The following ZNF256 variants were observed in gnomAD, a reference collection of about 807,000 sequenced individuals.
ZNF256 encodes the protein bone marrow zinc finger 3.
ZNF256 carries 4 observed loss-of-function variants against 7.9 expected under a neutral mutation model. The ratio of observed to expected loss-of-function variants is 0.50; its 90% CI spans 0.25 to 1.15. The LOEUF (loss-of-function observed/expected upper bound fraction) is 1.15. ZNF256 is among the 50% of genes most tolerant of loss of function. The pLI, the probability that ZNF256 is intolerant of heterozygous loss-of-function variation, is 0.15. For synonymous variants in ZNF256, 260 were observed against 260.4 expected, an observed-to-expected ratio of 1.00 and a Z score of 0.02; for missense variants, 666 against 755.9, an observed-to-expected ratio of 0.88 and a Z score of 1.39.
In ZNF256 at chr19:57,941,585, T is replaced by C; in HGVS notation, c.1223A>G (p.Glu408Gly). The C allele has an allele frequency of 6.2e-7, 1 of 1,614,110 alleles. No homozygotes were observed. The highest frequency in any genetic ancestry group is 1.1e-5 in the South Asian group (1 of 91,080). The change falls in exon 3 of 3, where the codon GAG (glutamate) becomes GGG (glycine). Residue 408 changes from glutamate to glycine, a missense_variant. Glu to Gly is a moderately conservative substitution (Grantham distance 98, BLOSUM62 -2). Transcript: ENST00000282308. ...AAACAATTTCCCACATTCACTACAC[T>C]CATAAGGCCCTTCTCCAATGTGAAG... ...RRLHIGEGPYECSECGKLFTY... is the reference protein window; with the variant it reads ...RRLHIGEGPYGCSECGKLFTY...
rs759846811 is a variant in ZNF256, at chr19:57,941,498, C to T, written c.1310G>A (p.Cys437Tyr). The T allele has an allele frequency of 1.9e-6, 3 of 1,613,936 alleles. No individual in the cohort carries two copies. Among genetic ancestry groups the T allele is most frequent in the Admixed American group, 1.7e-5 (1 of 59,986 alleles). Residue 437 changes from cysteine to tyrosine, a missense_variant, in exon 3 of 3, where the codon TGT (cysteine) becomes TAT (tyrosine). Transcript: ENST00000282308. ...RVHTGVRSHE[C>Y]HECGKLFSRK... Reference sequence around the variant, plus strand: ...GCTAAATAATTTTCCACATTCATGACATTCATGAGATCTTACTCCAGTATG... The same window carrying T: ...GCTAAATAATTTTCCACATTCATGATATTCATGAGATCTTACTCCAGTATG...
intron 1 of ZNF256, among the ~76,000 whole-genome samples, chr19:57,945,175 G>A (rs1600197798): frequency 1.3e-5 from 2 of 151,960 alleles, no homozygotes; most frequent in Non-Finnish European, 2.9e-5. Context: ...GATTACAGGC[G>A]TGAGCCACCA....
Position 57,947,599 on chromosome 19 carries a change from CTCAG to C in ZNF256, c.-129_-126del, listed in dbSNP as rs2072776783. 4 of 952,714 alleles carry C rather than the reference CTCAG, an allele frequency of 4.2e-6. No individual in the cohort carries two copies. Among genetic ancestry groups the C allele is most frequent in the Non-Finnish European group, 5.6e-6 (4 of 718,498 alleles). 59.0% of individuals were successfully genotyped at this position (952,714 alleles called of 1,614,324 possible). A position where few individuals can be genotyped will look rare whatever the true frequency, so the allele number is the denominator to read the frequency against. ...GCGGGGAAGACTCCTCTCGCGCCTT[CTCAG>C]TCAGTCACGGATGATGCTGACCCAG... On this transcript the variant is annotated 5_prime_UTR_variant, in exon 1 of 3. Coordinates refer to ENST00000282308, the MANE Select transcript of ZNF256 (RefSeq NM_005773.3).
rs145397935 is a variant in ZNF256 at position 57,943,347 on chromosome 19, A to G, written c.160+587T>C. Among the ~76,000 whole-genome samples the G allele has an allele frequency of 2.8e-3, 420 of 152,260 alleles. 2 individuals carry two copies. Among genetic ancestry groups the G allele is most frequent in the African/African-American group, 9.5e-3 (393 of 41,544 alleles). ...CTAGGGCCAGGCTCCCTCTGAGTCC[A>G]TCTTGCTGTGGGGAATCACAGCCAT... On this transcript the variant is annotated intron_variant, in intron 2 of 2. Transcript: ENST00000282308.
chr19:57,946,201 G>C (rs1458432840), intron 1 of ZNF256, among the ~76,000 whole-genome samples: 1 of 152,062 alleles, frequency 6.6e-6, no homozygotes, highest in East Asian at 1.9e-4. Flanking sequence ...GCCTAACTGT[G>C]ACCCACAGCT....
intron 2 of ZNF256, among the ~76,000 whole-genome samples, chr19:57,943,457 G>A (rs768263361): frequency 1.1e-4 from 16 of 152,060 alleles, no homozygotes; most frequent in Admixed American, 2.6e-4. Flanking sequence ...GACCAGCCCA[G>A]AATGACTCTG....
In ZNF256 at chr19:57,943,953, C is replaced by A. The variant is rs367849964; in HGVS notation, c.141G>T (p.Leu47Phe). 2.5e-6 allele frequency: 4 copies of A among 1,613,920 alleles called. No individual in the cohort carries two copies. The highest frequency in any genetic ancestry group is 1.7e-5 in the Admixed American group (1 of 59,988). Reference protein sequence around the residue: ...CLYHDVMLENLTLTTSLGGSG... With the variant: ...CLYHDVMLENFTLTTSLGGSG... ...CCTTACCCAGGGAGGTTGTAAGTGT[C>A]AAGTTCTCCAGCATCACATCGTGGT... Residue 47 changes from leucine to phenylalanine, a missense_variant, in exon 2 of 3, where the codon TTG (leucine) becomes TTT (phenylalanine). Physicochemically the swap from Leu to Phe is conservative, Grantham distance 22 (BLOSUM62 0). Coordinates refer to ENST00000282308, the MANE Select transcript of ZNF256 (RefSeq NM_005773.3).
At position 57,941,971 on chromosome 19, in the gene ZNF256, G is replaced by C. The variant is rs761398911; in HGVS notation, c.837C>G (p.Ser279Arg). The change falls in exon 3 of 3, where the codon AGC (serine) becomes AGG (arginine). Residue 279 changes from serine to arginine, a missense_variant. By Grantham distance (110) the Ser-to-Arg change is moderately radical. Coordinates refer to ENST00000282308, the MANE Select transcript of ZNF256 (RefSeq NM_005773.3). The stretch of plus-strand genomic sequence containing the variant: ...TTCTTCGGTGCGTAATAAGGCTAGA[G>C]CTTTGCCTATAGGATTTCCCACATT... ...CGECGKSYRQ[S>R]SSLITHRRIH... 12 of 1,614,140 alleles carry C rather than the reference G, an allele frequency of 7.4e-6. No individual in the cohort carries two copies. The highest frequency in any genetic ancestry group is 1.0e-5 in the Non-Finnish European group (12 of 1,179,996).
Position 57,942,647 on chromosome 19 carries a change from C to G in ZNF256, c.161G>C (p.Gly54Ala). The G allele has an allele frequency of 1.2e-6, 2 of 1,609,934 alleles. No individual in the cohort carries two copies. The highest frequency in any genetic ancestry group is 1.7e-6 in the Non-Finnish European group (2 of 1,177,292). Residue 54 changes from glycine to alanine, a missense_variant and splice_region_variant, in exon 3 of 3, where the codon GGT becomes GCT. Physicochemically the swap from Gly to Ala is moderately conservative, Grantham distance 60. Transcript: ENST00000282308. ...LENLTLTTSL[G>A]GSGAGDEEAP... is the part of the protein sequence containing the mutation. ...CTCCTCATCCCCTGCTCCAGAACCA[C>G]CTGAAAGAAAGAAAATGCTGGTGAA...
At position 57,947,687 on chromosome 19, in the gene ZNF256, A is replaced by G; in HGVS notation, c.-213T>C. The G allele has an allele frequency of 4.5e-6, 2 of 439,986 alleles. No individual in the cohort carries two copies. Among genetic ancestry groups the G allele is most frequent in the Non-Finnish European group, 7.6e-6 (2 of 263,722 alleles). 27.3% of individuals were successfully genotyped at this position (439,986 alleles called of 1,614,324 possible). On this transcript the variant is annotated 5_prime_UTR_variant, in exon 1 of 3. Coordinates refer to ENST00000282308, the MANE Select transcript of ZNF256 (RefSeq NM_005773.3). ...GACAAATGCCAAAACGACCGCCACA[A>G]GGAGGACAACGGAAGTCCCGCCGCG...
chr19:57,942,678 T>C (rs1417294713), intron 2 of ZNF256, 31 bp from the exon 3 acceptor site: 5 of 1,600,016 alleles, frequency 3.1e-6, no homozygotes, highest in Non-Finnish European at 4.3e-6. Context: ...GTGAAGAGCA[T>C]GCTGACTTTA....
Position 57,942,146 on chromosome 19 carries a change from C to T in ZNF256, c.662G>A (p.Ser221Asn). ...YNWGECVKAF[S>N]YKHVRVQHQG... ...GTGCTGAACACGTACATGTTTGTAG[C>T]TGAAAGCTTTCACACATTCTCCCCA... The change falls in exon 3 of 3, where the codon AGC becomes AAC. Residue 221 changes from serine to asparagine, a missense_variant. Transcript: ENST00000282308. 6.2e-7 allele frequency: 1 copy of T among 1,614,212 alleles called. No homozygotes were observed. Among genetic ancestry groups the T allele is most frequent in the South Asian group, 1.1e-5 (1 of 91,088 alleles).
intron 1 of ZNF256, among the ~76,000 whole-genome samples, chr19:57,946,213 A>G (rs1278212625): frequency 6.6e-6 from 1 of 152,126 alleles, no homozygotes; most frequent in East Asian, 1.9e-4. Context: ...CCCACAGCTC[A>G]CTAACCTTGG....
At position 57,942,098 on chromosome 19, in the gene ZNF256, C is replaced by T. The variant is rs376236226; in HGVS notation, c.710G>A (p.Arg237Lys). ...VQHQGDLIRE[R>K]SYMCSECGKS... ...CCCACATTCACTGCACATGTAAGAT[C>T]TTTCCCTAATGAGGTCTCCCTGGTG... Residue 237 changes from arginine (R) to lysine (K), a missense_variant, in exon 3 of 3, where the codon AGA becomes AAA. Arg to Lys is a conservative substitution (Grantham distance 26, BLOSUM62 2). Coordinates refer to ENST00000282308, the MANE Select transcript of ZNF256 (RefSeq NM_005773.3). The T allele has an allele frequency of 1.1e-4, 185 of 1,614,132 alleles. No homozygotes were observed. The Middle Eastern group carries it at 1.2e-3, about 10-fold the overall frequency.
chr19:57,947,306 C>G (rs1191026590), intron 1 of ZNF256, 136 bp downstream of exon 1: 13 of 884,948 alleles, frequency 1.5e-5, no homozygotes, highest in Non-Finnish European at 2.0e-5. Context: ...CCTAGCACAC[C>G]AGGTGTTGGA....
chr19:57,942,136 A>T lies in ZNF256; in HGVS notation c.672T>A (p.His224Gln). ...GGTCTCCCTGGTGCTGAACACGTAC[A>T]TGTTTGTAGCTGAAAGCTTTCACAC... is the stretch of plus-strand genomic sequence containing the variant. ...GECVKAFSYK[H>Q]VRVQHQGDLI... The change falls in exon 3 of 3, where the codon CAT becomes CAA. Residue 224 changes from histidine to glutamine, a missense_variant. Physicochemically the swap from His to Gln is conservative, Grantham distance 24. Transcript: ENST00000282308. 1 of 1,614,236 alleles carries T rather than the reference A, an allele frequency of 6.2e-7. No homozygotes were observed. The highest frequency in any genetic ancestry group is 8.5e-7 in the Non-Finnish European group (1 of 1,180,040).
Position 57,942,191 on chromosome 19 carries a change from CT to C in ZNF256, c.616del (p.Ser206ValfsTer2). The C allele has an allele frequency of 6.2e-7, 1 of 1,614,252 alleles. No homozygotes were observed. The highest frequency in any genetic ancestry group is 2.2e-5 in the East Asian group (1 of 44,894). On this transcript the variant is annotated frameshift_variant, in exon 3 of 3. Transcript: ENST00000282308. LOFTEE classifies it low-confidence loss of function (END_TRUNC). ...TCCCCAGTTGTAATGATTTTTTACA[CT>C]GTGAAAGGCCACTGCACTCTTGGTT... ...NRTKSAVAFH[S>X]VKNHYNWGEC...
chr19:57,943,622 G>A (rs1277334376), intron 2 of ZNF256, among the ~76,000 whole-genome samples: 1 of 152,236 alleles, frequency 6.6e-6, no homozygotes, highest in East Asian at 1.9e-4. Flanking sequence ...CTAGAGGAAG[G>A]AAGTAGAACC....
chr19:57,941,562 A>G lies in ZNF256; in HGVS notation c.1246T>C (p.Phe416Leu). The change falls in exon 3 of 3, where the codon TTT (phenylalanine) becomes CTT (leucine). Residue 416 changes from phenylalanine (F) to leucine (L), a missense_variant. Transcript: ENST00000282308. ...TGGAAGAAACGAGATCTATAAGTAA[A>G]CAATTTCCCACATTCACTACACTCA... ...PYECSECGKL[F>L]TYRSRFFQHQ... 1.2e-6 allele frequency: 2 copies of G among 1,614,142 alleles called. No individual in the cohort carries two copies. The highest frequency in any genetic ancestry group is 2.2e-5 in the South Asian group (2 of 91,088).
Sources: gnomAD v4.1 joint callset for allele counts (sites outside exome capture counted in the v4.1 genomes callset) on GRCh38, gnomAD v4.1.1 for gene constraint, MANE v1.5 for transcripts, NCBI Gene and HGNC (gene_info 2026-07-23, HGNC 2026-07-21) for gene names.